PIP4K2A: variants seen among roughly 807,000 people sequenced by gnomAD.
The protein encoded by PIP4K2A is phosphatidylinositol 5-phosphate 4-kinase type-2 alpha.
PIP4K2A carries 14 observed loss-of-function variants against 42.9 expected under a neutral mutation model. The ratio of observed to expected loss-of-function variants is 0.33; its 90% CI spans 0.22 to 0.51. PIP4K2A has a LOEUF of 0.51. Ranked by LOEUF, PIP4K2A falls within the 20% of genes least tolerant of loss-of-function variation. The pLI is 0.97. For missense variants in PIP4K2A, 434 were observed against 519.8 expected, an observed-to-expected ratio of 0.83 and a Z score of 1.61; for synonymous variants, 192 against 192.2, an observed-to-expected ratio of 1.00 and a Z score of 0.01.
chr10:22,588,964 G>A (rs1480559739), intron 4 of PIP4K2A, among the ~76,000 whole-genome samples: 1 of 152,150 alleles, frequency 6.6e-6, no homozygotes, highest in African/African-American at 2.4e-5. Flanking sequence ...GACTTATTTT[G>A]ATCCCACACT....
chr10:22,621,762 G>A (rs1838335681), intron 1 of PIP4K2A, among the ~76,000 whole-genome samples: 1 of 152,254 alleles, frequency 6.6e-6, no homozygotes, highest in Non-Finnish European at 1.5e-5. Flanking sequence ...GGGATGGCAT[G>A]TACAGTTCAG....
At chr10:22,671,051 A>C (rs990168426) in intron 1 of PIP4K2A, among the ~76,000 whole-genome samples, 1 of 152,202 alleles carries the variant, frequency 6.6e-6, no homozygotes, top group Non-Finnish European at 1.5e-5. Context: ...TGAGTACCCA[A>C]GAGACACTGT....
intron 1 of PIP4K2A, among the ~76,000 whole-genome samples, chr10:22,672,308 G>A (rs535045330): frequency 6.6e-6 from 1 of 152,068 alleles, no homozygotes; most frequent in Non-Finnish European, 1.5e-5. Context: ...GTTGGAGGCG[G>A]ATGAGATTAA....
intron 1 of PIP4K2A, among the ~76,000 whole-genome samples, chr10:22,708,283 A>C (rs1419531751): frequency 2.0e-5 from 3 of 152,084 alleles, no homozygotes; most frequent in African/African-American, 7.2e-5. Flanking sequence ...GGAACATCTA[A>C]TTGTGCCGAC....
rs1340807046 is a variant in PIP4K2A, at chr10:22,535,843, T to C, written c.*1358A>G. On this transcript the variant is annotated 3_prime_UTR_variant, in exon 10 of 10. Coordinates refer to ENST00000376573, the MANE Select transcript of PIP4K2A (RefSeq NM_005028.5). ...TCATAAACCAGACTGGGGCGAAATC[T>C]CTTTTTAAAAAAATCAATCATTAGG... 3 of 334,406 alleles carry C rather than the reference T, an allele frequency of 9.0e-6. No individual in the cohort carries two copies. The highest frequency in any genetic ancestry group is 1.6e-5 in the Non-Finnish European group (3 of 185,966). The allele number at this position is 334,406 out of a possible 1,614,324, so 20.7% of individuals were successfully genotyped here. A position where few individuals can be genotyped will look rare whatever the true frequency, so the allele number is the denominator to read the frequency against.
chr10:22,692,979 C>CT (rs1480811630), intron 1 of PIP4K2A, among the ~76,000 whole-genome samples: 3 of 152,204 alleles, frequency 2.0e-5, no homozygotes, highest in African/African-American at 7.2e-5. Flanking sequence ...CTGCCTCACT[C>CT]TGATACCTGG....
At chr10:22,543,013 C>T (rs904484587) in intron 7 of PIP4K2A, among the ~76,000 whole-genome samples, 3 of 152,220 alleles carry the variant, frequency 2.0e-5, no homozygotes, top group African/African-American at 7.2e-5. Context: ...AGTGGCTGAG[C>T]AGCCTCTGGG....
intron 1 of PIP4K2A, among the ~76,000 whole-genome samples, chr10:22,632,164 C>T (rs182562508): frequency 2.0e-5 from 3 of 152,058 alleles, no homozygotes; most frequent in Admixed American, 2.0e-4. Context: ...GACATGACAA[C>T]CAAATGCATC....
In PIP4K2A at chr10:22,580,158, A is replaced by G. The variant is rs140750795; in HGVS notation, c.493-6701T>C. On this transcript the variant is annotated intron_variant, in intron 4 of 9. Transcript: ENST00000376573. ...CTTTAATGCATGACGGGGACTCCCA[A>G]TTTCAAGGACTCTCCATAATTAATA... 1.6e-4 allele frequency among the ~76,000 whole-genome samples: 24 copies of G among 151,994 alleles called. 2 individuals carry two copies. In the East Asian group the frequency reaches 2.5e-3, roughly 16 times the overall value.
chr10:22,539,915 G>C (rs1836056174), intron 9 of PIP4K2A, 56 bp downstream of exon 9: 33 of 731,488 alleles, frequency 4.5e-5, no homozygotes, highest in South Asian at 4.4e-4. Flanking sequence ...GAGAGAGGGA[G>C]AGAGAGAGAG....
intron 4 of PIP4K2A, among the ~76,000 whole-genome samples, chr10:22,586,328 T>C (rs924987364): frequency 1.3e-5 from 2 of 152,128 alleles, no homozygotes; most frequent in African/African-American, 4.8e-5. Context: ...ATACTGGAAC[T>C]TGGGGGAAAA....
At chr10:22,544,080 G>T (rs145475555) in intron 7 of PIP4K2A, among the ~76,000 whole-genome samples, 10 of 152,008 alleles carry the variant, frequency 6.6e-5, no homozygotes, top group Non-Finnish European at 1.5e-5. Flanking sequence ...CCTTTTCTTC[G>T]CAACCCTAGG....
chr10:22,618,070 T>C (rs771066558), intron 1 of PIP4K2A, among the ~76,000 whole-genome samples: 92 of 152,306 alleles, frequency 6.0e-4, no homozygotes, highest in Non-Finnish European at 7.8e-4. Flanking sequence ...ACAATAAATA[T>C]GTCATACCAG....
intron 6 of PIP4K2A, among the ~76,000 whole-genome samples, chr10:22,556,982 G>A (rs1836568040): frequency 6.6e-6 from 1 of 152,132 alleles, no homozygotes; most frequent in Non-Finnish European, 1.5e-5. Context: ...CAACATGAAT[G>A]TGCGAAGTGA....
chr10:22,600,849 C>G (rs936931798), intron 3 of PIP4K2A, among the ~76,000 whole-genome samples: 1 of 152,078 alleles, frequency 6.6e-6, no homozygotes, highest in East Asian at 1.9e-4. Flanking sequence ...CTGTGTTAAG[C>G]TCTTGGGGAA....
chr10:22,608,798 C>T (rs1793198454), intron 2 of PIP4K2A, among the ~76,000 whole-genome samples: 1 of 152,136 alleles, frequency 6.6e-6, no homozygotes, highest in African/African-American at 2.4e-5. Context: ...GATTGCTTGA[C>T]CCCAGGAATT....
rs189900279 is a variant in PIP4K2A, at chr10:22,640,648, C to G, written c.145-30931G>C. On this transcript the variant is annotated intron_variant, in intron 1 of 9. Coordinates refer to ENST00000376573, the MANE Select transcript of PIP4K2A (RefSeq NM_005028.5). ...TTCTGCTGAAAGAGACAATGATGGG[C>G]ACATCCTAATATCCAGGCTTCTCAC... Among the ~76,000 whole-genome samples the G allele has an allele frequency of 6.1e-4, 93 of 152,290 alleles. 1 individual carries two copies. Among genetic ancestry groups the G allele is most frequent in the Non-Finnish European group, 1.1e-3 (76 of 68,004 alleles).
At chr10:22,543,268 A>C (rs1432670301) in intron 7 of PIP4K2A, among the ~76,000 whole-genome samples, 2 of 152,234 alleles carry the variant, frequency 1.3e-5, no homozygotes, top group East Asian at 3.9e-4. Flanking sequence ...TGGTGCCTGC[A>C]ATTCTCCATC....
rs890030689 is a variant in PIP4K2A at position 22,537,142 on chromosome 10, T to C, written c.*59A>G. 8 of 1,351,548 alleles carry C rather than the reference T, an allele frequency of 5.9e-6. No individual in the cohort carries two copies. The Admixed American group carries it at 1.0e-4, about 17-fold the overall frequency. The allele number at this position is 1,351,548 out of a possible 1,614,324, so 83.7% of individuals were successfully genotyped here. On this transcript the variant is annotated 3_prime_UTR_variant, in exon 10 of 10. Transcript: ENST00000376573. The stretch of plus-strand genomic sequence containing the variant: ...CACTGAGTTTGGTTTTCATTTTTCC[T>C]ACACCGAAGCCACCTCTGTCCATCC...
Sources: gnomAD v4.1 joint callset for allele counts (sites outside exome capture counted in the v4.1 genomes callset) on GRCh38, gnomAD v4.1.1 for gene constraint, MANE v1.5 for transcripts, NCBI Gene and HGNC (gene_info 2026-07-23, HGNC 2026-07-21) for gene names.